The following NRG3 variants were observed in gnomAD, a reference collection of about 807,000 sequenced individuals.
The protein encoded by NRG3 is neuregulin 3.
Under a neutral mutation model 66.9 loss-of-function variants are expected in NRG3, and 31 were observed. The ratio of observed to expected loss-of-function variants is 0.46; its 90% CI spans 0.35 to 0.63. The LOEUF is 0.63. NRG3 is among the 20% of genes least tolerant of loss of function. The pLI is 0.00. For synonymous variants in NRG3, 393 were observed against 359.4 expected, an observed-to-expected ratio of 1.09 and a Z score of -1.06; for missense variants, 910 against 878.9, an observed-to-expected ratio of 1.04 and a Z score of -0.45.
At chr10:81,945,956 T>C (rs1285946128) in intron 1 of NRG3, among the ~76,000 whole-genome samples, 1 of 152,156 alleles carries the variant, frequency 6.6e-6, no homozygotes, top group African/African-American at 2.4e-5. Flanking sequence ...GAGAGAGGCA[T>C]GGACAGATCC....
At chr10:82,280,283 C>T (rs2134430452) in intron 1 of NRG3, among the ~76,000 whole-genome samples, 1 of 152,258 alleles carries the variant, frequency 6.6e-6, no homozygotes, top group East Asian at 1.9e-4. Flanking sequence ...ATATAGATCA[C>T]TTAAAACAGG....
chr10:82,878,146 G>A lies in NRG3; in HGVS notation c.1054+12709G>A, dbSNP rs554152850. 1.4e-4 allele frequency among the ~76,000 whole-genome samples: 22 copies of A among 152,068 alleles called. No individual in the cohort carries two copies. The East Asian group carries it at 1.5e-3, about 11-fold the overall frequency. On this transcript the variant is annotated intron_variant, in intron 4 of 8. Coordinates refer to ENST00000372141, the MANE Select transcript of NRG3 (RefSeq NM_001010848.4). ...CTGGAGAAAGGAAATATGAGAGAGA[G>A]GGAAAAGGAAGAATAAAGGGAAATA...
chr10:82,919,061 G>A (rs1476989329), intron 4 of NRG3, among the ~76,000 whole-genome samples: 4 of 103,746 alleles, frequency 3.9e-5, no homozygotes, highest in African/African-American at 4.1e-5. Flanking sequence ...AATAGGGGTG[G>A]AGTGTGTGTG....
intron 1 of NRG3, among the ~76,000 whole-genome samples, chr10:81,943,386 A>G (rs188144472): frequency 2.6e-4 from 40 of 152,218 alleles, no homozygotes; most frequent in Non-Finnish European, 3.8e-4. Context: ...TAATAATTTG[A>G]CGCATTAAGT....
chr10:82,746,956 A>C (rs1461868664), intron 3 of NRG3, among the ~76,000 whole-genome samples: 1 of 152,024 alleles, frequency 6.6e-6, no homozygotes, highest in African/African-American at 2.4e-5. Flanking sequence ...GGCGGTATGC[A>C]CCTGTAGTCC....
chr10:82,771,938 G>A (rs1022509206), intron 3 of NRG3, among the ~76,000 whole-genome samples: 1 of 151,788 alleles, frequency 6.6e-6, no homozygotes, highest in Non-Finnish European at 1.5e-5. Flanking sequence ...ACAAATCTTT[G>A]TGCTTTATTT....
intron 3 of NRG3, among the ~76,000 whole-genome samples, chr10:82,801,326 C>T (rs1169479189): frequency 6.6e-6 from 1 of 152,158 alleles, no homozygotes; most frequent in African/African-American, 2.4e-5. Flanking sequence ...ACTGAAGTAA[C>T]TATGAAAACT....
intron 1 of NRG3, among the ~76,000 whole-genome samples, chr10:82,235,938 G>T (rs1349069166): frequency 2.6e-5 from 4 of 151,842 alleles, no homozygotes; most frequent in Admixed American, 2.6e-4. Flanking sequence ...GATCTACAAT[G>T]AACATTATTT....
At chr10:82,026,621 A>T (rs1215989754) in intron 1 of NRG3, among the ~76,000 whole-genome samples, 1 of 151,242 alleles carries the variant, frequency 6.6e-6, no homozygotes, top group Non-Finnish European at 1.5e-5. Context: ...TGATTTCATT[A>T]TTTGGTAAAT....
chr10:82,341,770 T>C (rs890500587), intron 1 of NRG3, among the ~76,000 whole-genome samples: 2 of 152,028 alleles, frequency 1.3e-5, no homozygotes, highest in Non-Finnish European at 2.9e-5. Flanking sequence ...CCATCTTTTG[T>C]AGTCTCCAGT....
chr10:82,200,102 A>G (rs764716373), intron 1 of NRG3, among the ~76,000 whole-genome samples: 2 of 152,190 alleles, frequency 1.3e-5, no homozygotes, highest in South Asian at 2.1e-4. Flanking sequence ...CCTCCTTAAT[A>G]TCAGACACTA....
chr10:82,019,396 T>TC (rs2061949453), intron 1 of NRG3, among the ~76,000 whole-genome samples: 1 of 152,190 alleles, frequency 6.6e-6, no homozygotes, highest in African/African-American at 2.4e-5. Context: ...TCTAAAATTC[T>TC]GTTTTGTTTG....
intron 2 of NRG3, among the ~76,000 whole-genome samples, chr10:82,558,378 A>G (rs1307094715): frequency 6.6e-6 from 1 of 152,152 alleles, no homozygotes; most frequent in Non-Finnish European, 1.5e-5. Context: ...TTTTGTAGTT[A>G]TAGAAAACCT....
At chr10:82,639,251 A>T (rs1400881266) in intron 2 of NRG3, among the ~76,000 whole-genome samples, 1 of 152,108 alleles carries the variant, frequency 6.6e-6, no homozygotes, top group African/African-American at 2.4e-5. Flanking sequence ...TGCTGCATAG[A>T]TGGTGACTTC....
At chr10:82,772,178 G>A (rs546090867) in intron 3 of NRG3, among the ~76,000 whole-genome samples, 6 of 151,946 alleles carry the variant, frequency 3.9e-5, no homozygotes, top group South Asian at 2.1e-4. Context: ...GGTTTATAAC[G>A]TGATGTTATG....
At chr10:82,262,961 A>G (rs114465214) in intron 1 of NRG3, among the ~76,000 whole-genome samples, 2,382 of 152,262 alleles carry the variant, frequency 0.016, 27 homozygotes, top group South Asian at 0.025. Context: ...TTTATAGTTG[A>G]GGATAGGAAG....
intron 1 of NRG3, among the ~76,000 whole-genome samples, chr10:82,218,559 CT>C (rs1238858785): frequency 6.6e-6 from 1 of 152,134 alleles, no homozygotes; most frequent in Non-Finnish European, 1.5e-5. Flanking sequence ...CAGAACTCTC[CT>C]TTGCTACTCT....
intron 4 of NRG3, among the ~76,000 whole-genome samples, chr10:82,886,330 T>C (rs1246983132): frequency 6.6e-6 from 1 of 152,200 alleles, no homozygotes; most frequent in African/African-American, 2.4e-5. Flanking sequence ...CTTTCTTTAT[T>C]TGGAGCTCAA....
intron 2 of NRG3, among the ~76,000 whole-genome samples, chr10:82,489,262 T>C (rs974919926): frequency 6.6e-6 from 1 of 152,166 alleles, no homozygotes; most frequent in Non-Finnish European, 1.5e-5. Context: ...CCCCACATAG[T>C]GTATTAACAT....
Sources: allele counts gnomAD v4.1 joint callset (sites outside exome capture counted in the v4.1 genomes callset), GRCh38; gene constraint gnomAD v4.1.1; transcripts MANE v1.5; gene names NCBI Gene and HGNC (gene_info 2026-07-23, HGNC 2026-07-21).